The following RIMBP2 variants were observed in gnomAD, a reference collection of about 807,000 sequenced individuals.
RIMBP2 encodes RIMS binding protein 2.
In RIMBP2, 48 loss-of-function variants were observed where a neutral mutation model predicts 118.6. That is an observed-to-expected ratio of 0.40 (90% CI 0.32 to 0.51). RIMBP2 has a LOEUF of 0.51. Among genes scored for constraint, RIMBP2 ranks in the 20% least tolerant of loss-of-function variants. The pLI, the probability that RIMBP2 is intolerant of heterozygous loss-of-function variation, is 0.41. For synonymous variants in RIMBP2, 762 were observed against 742.9 expected (o/e 1.03, Z -0.42); for missense variants, 1,551 against 1,768.3 (o/e 0.88, Z 2.20).
chr12:130,708,877 G>A (rs1466484097), intron 1 of RIMBP2, among the ~76,000 whole-genome samples: 1 of 152,172 alleles, frequency 6.6e-6, no homozygotes, highest in Non-Finnish European at 1.5e-5. Flanking sequence ...CTGCAGCGCT[G>A]TAGTCCCAAC....
intron 2 of RIMBP2, among the ~76,000 whole-genome samples, chr12:130,522,605 CG>C (rs1159279563): frequency 2.0e-5 from 3 of 152,168 alleles, no homozygotes; most frequent in Non-Finnish European, 2.9e-5. Context: ...GACTTCAAGG[CG>C]GGGCGCTGCG....
chr12:130,548,891 T>C (rs1013330004), intron 2 of RIMBP2, among the ~76,000 whole-genome samples: 2 of 152,044 alleles, frequency 1.3e-5, no homozygotes, highest in Non-Finnish European at 2.9e-5. Flanking sequence ...CCAGCCTACC[T>C]CTTGGACTTT....
At chr12:130,706,278 A>C (rs1331696294) in intron 1 of RIMBP2, among the ~76,000 whole-genome samples, 1 of 152,256 alleles carries the variant, frequency 6.6e-6, no homozygotes, top group Non-Finnish European at 1.5e-5. Context: ...GATACTAAGC[A>C]CTTTTCCCCA....
Position 130,450,424 on chromosome 12 carries a change from G to T in RIMBP2, c.505-148C>A, listed in dbSNP as rs1046081347. ...GCACTCCCAGGAGGCACTGCCACCCGCACACCCACATGCGAGCTTGGAAAG... is the reference window on the plus strand; with the variant it reads ...GCACTCCCAGGAGGCACTGCCACCCTCACACCCACATGCGAGCTTGGAAAG... On this transcript the variant is annotated intron_variant, in intron 8 of 22. Transcript: ENST00000690449. This position sits in a 1 kb window ranked among gnomAD's most constrained non-coding sequence, Gnocchi z 4.8. 3 of 654,782 alleles carry T rather than the reference G, an allele frequency of 4.6e-6. No homozygotes were observed. Among genetic ancestry groups the T allele is most frequent in the South Asian group, 1.7e-5 (1 of 58,340 alleles). 40.6% of individuals were successfully genotyped at this position (654,782 alleles called of 1,614,324 possible). A position where few individuals can be genotyped will look rare whatever the true frequency, so the allele number is the denominator to read the frequency against.
At chr12:130,654,178 T>C (rs941349560) in intron 1 of RIMBP2, among the ~76,000 whole-genome samples, 5 of 152,264 alleles carry the variant, frequency 3.3e-5, no homozygotes, top group African/African-American at 1.2e-4. Context: ...GAAACTTTTA[T>C]GCTCTGCTTC....
chr12:130,589,507 C>T (rs911322154), intron 2 of RIMBP2, among the ~76,000 whole-genome samples: 20 of 152,278 alleles, frequency 1.3e-4, no homozygotes, highest in African/African-American at 2.6e-4. Flanking sequence ...AGCCCCAGGA[C>T]GAGATGAAGG....
intron 1 of RIMBP2, among the ~76,000 whole-genome samples, chr12:130,642,377 C>T (rs761501347): frequency 1.3e-4 from 20 of 152,296 alleles, no homozygotes; most frequent in Middle Eastern, 3.4e-3. Context: ...CTCCACCTCC[C>T]GGGTTCAAGG....
chr12:130,593,586 C>T lies in RIMBP2; in HGVS notation c.-217+34736G>A, dbSNP rs183404584. The stretch of plus-strand genomic sequence containing the variant: ...TCTGGGTGCTCCGTGGGCTGGATGG[C>T]GACGTGAGTTGGGCAGCTCTGTTCT... On this transcript the variant is annotated intron_variant, in intron 2 of 22. Transcript: ENST00000690449. 5.8e-4 allele frequency among the ~76,000 whole-genome samples: 89 copies of T among 152,316 alleles called. No individual in the cohort carries two copies. The East Asian group carries it at 0.013, about 23-fold the overall frequency.
At position 130,424,806 on chromosome 12, in the gene RIMBP2, A is replaced by C; in HGVS notation, c.2465T>G (p.Phe822Cys). 1 of 1,232,688 alleles carries C rather than the reference A, an allele frequency of 8.1e-7. No homozygotes were observed. Among genetic ancestry groups the C allele is most frequent in the Non-Finnish European group, 1.0e-6 (1 of 988,448 alleles). The allele number at this position is 1,232,688 out of a possible 1,614,324, so 76.4% of individuals were successfully genotyped here. A position where few individuals can be genotyped will look rare whatever the true frequency, so the allele number is the denominator to read the frequency against. ...SEGTFWEQPE[F>C]PHQPHRKRLF... ...TCTCTTCCTGTGGGGCTGGTGGGGA[A>C]ACTCGGGCTGCTCCCAGAAAGTGCC... is the stretch of plus-strand genomic sequence containing the variant. Residue 822 changes from phenylalanine (F) to cysteine (C), a missense_variant, in exon 16 of 23, where the codon TTT (phenylalanine) becomes TGT (cysteine). By Grantham distance (205) the Phe-to-Cys change is radical (BLOSUM62 -2). Around this residue, in one of 5 missense-constraint regions of RIMBP2, gnomAD observed 1,038 missense variants for 1,125.1 expected, o/e 0.92. Coordinates refer to ENST00000690449, the MANE Select transcript of RIMBP2 (RefSeq NM_001393629.1). This position sits in a 1 kb window ranked among gnomAD's most constrained non-coding sequence, Gnocchi z 9.8.
chr12:130,547,794 T>C (rs1173312549), intron 2 of RIMBP2, among the ~76,000 whole-genome samples: 1 of 152,192 alleles, frequency 6.6e-6, no homozygotes. Context: ...TCGTTCCCAC[T>C]CTCCAGTATT....
intron 2 of RIMBP2, among the ~76,000 whole-genome samples, chr12:130,547,867 T>C (rs943723932): frequency 1.3e-5 from 2 of 152,222 alleles, no homozygotes; most frequent in Non-Finnish European, 2.9e-5. Context: ...GAAATACTCA[T>C]TTAAGCTTCT....
chr12:130,438,998 C>G (rs1030638626), intron 11 of RIMBP2, among the ~76,000 whole-genome samples: 1 of 149,626 alleles, frequency 6.7e-6, no homozygotes, highest in Non-Finnish European at 1.5e-5. Flanking sequence ...ACCTTTTCTT[C>G]TCTCTTTTCT....
At chr12:130,403,858 A>C (rs2074895104) in intron 21 of RIMBP2, among the ~76,000 whole-genome samples, 1 of 152,236 alleles carries the variant, frequency 6.6e-6, no homozygotes, top group Non-Finnish European at 1.5e-5. Context: ...TATGATGGCC[A>C]GTAATTTACT....
At chr12:130,650,958 T>TAA (rs397700189) in intron 1 of RIMBP2, among the ~76,000 whole-genome samples, 1,560 of 125,586 alleles carry the variant, frequency 0.012, 14 homozygotes, top group Non-Finnish European at 0.019. Flanking sequence ...TTGTTTTTTT[T>TAA]AAAAAAAAAA....
In RIMBP2 at chr12:130,503,399, AGAAAAAACAAAAAAC is replaced by A. The variant is rs1363719312; in HGVS notation, c.-4+3234_-4+3248del. Reference sequence around the variant, plus strand: ...TGACAGAGTAAGACTCCATCTAAAAAGAAAAAACAAAAAACAAAAAAAACACCAAAGAACTCTTCT... The same window carrying A: ...TGACAGAGTAAGACTCCATCTAAAAAAAAAAAAACACCAAAGAACTCTTCT... On this transcript the variant is annotated intron_variant, in intron 4 of 22. Coordinates refer to ENST00000690449, the MANE Select transcript of RIMBP2 (RefSeq NM_001393629.1). 2.8e-3 allele frequency among the ~76,000 whole-genome samples: 139 copies of A among 48,808 alleles called. 1 individual carries two copies. Among genetic ancestry groups the A allele is most frequent in the African/African-American group, 5.7e-3 (117 of 20,426 alleles). The allele number at this position is 48,808 out of a possible 152,430, so 32.0% of individuals were successfully genotyped here.
At chr12:130,432,256 G>C in intron 14 of RIMBP2, 1 of 456,602 alleles carries the variant, frequency 2.2e-6, no homozygotes, top group Non-Finnish European at 4.4e-6. Context: ...TCTAATTCCA[G>C]CTCTGTTAGG....
chr12:130,457,218 C>T lies in RIMBP2; in HGVS notation c.154-518G>A, dbSNP rs564016092. ...TTCTCATCCAGGGCGCCCGCCCCCT[C>T]GGACTGTAGAACCCTTAAGAGCACC... On this transcript the variant is annotated intron_variant, in intron 6 of 22. Coordinates refer to ENST00000690449, the MANE Select transcript of RIMBP2 (RefSeq NM_001393629.1). 1.1e-3 allele frequency among the ~76,000 whole-genome samples: 164 copies of T among 152,316 alleles called. 1 individual carries two copies. The highest frequency in any genetic ancestry group is 3.6e-3 in the African/African-American group (149 of 41,578).
chr12:130,692,702 T>C (rs577299253), intron 1 of RIMBP2, among the ~76,000 whole-genome samples: 8 of 152,108 alleles, frequency 5.3e-5, no homozygotes, highest in African/African-American at 1.9e-4. Context: ...CTTTAAAAAC[T>C]AAACATGGAA....
intron 22 of RIMBP2, 144 bp downstream of exon 22, chr12:130,399,535 C>A: frequency 1.2e-6 from 1 of 839,534 alleles, no homozygotes; most frequent in Non-Finnish European, 1.8e-6. Context: ...GGTACAACTC[C>A]CATGGCTTCA....
Sources: allele counts gnomAD v4.1 joint callset (sites outside exome capture counted in the v4.1 genomes callset), GRCh38; gene constraint gnomAD v4.1.1; regional missense constraint gnomAD v4.1.1; non-coding constraint Gnocchi (gnomAD v3.1); transcripts MANE v1.5; gene names NCBI Gene and HGNC (gene_info 2026-07-23, HGNC 2026-07-21).